The following PWWP3A variants were observed in gnomAD, a reference collection of about 807,000 sequenced individuals.
PWWP3A encodes the protein PWWP domain containing 3A, DNA repair factor.
Under a neutral mutation model 79.0 loss-of-function variants are expected in PWWP3A, and 53 were observed. The ratio of observed to expected loss-of-function variants is 0.67; its 90% CI spans 0.54 to 0.84. PWWP3A has a LOEUF of 0.84. Among genes scored for constraint, PWWP3A ranks in the 40% least tolerant of loss-of-function variants. PWWP3A has a pLI of 0.00. For synonymous variants in PWWP3A, 443 were observed against 394.4 expected (o/e 1.12, Z -1.46); for missense variants, 973 against 948.0 (o/e 1.03, Z -0.35).
At position 1,368,606 on chromosome 19, in the gene PWWP3A, G is replaced by A. The variant is rs1408187378; in HGVS notation, c.1423-659G>A. 1.3e-5 allele frequency among the ~76,000 whole-genome samples: 2 copies of A among 152,214 alleles called. No homozygotes were observed. Among genetic ancestry groups the A allele is most frequent in the Non-Finnish European group, 2.9e-5 (2 of 68,040 alleles). Reference sequence around the variant, plus strand: ...AGTCTTCCCTGGGTCATTGTGTGATGGTCGTGGCTTTATGGCATCTTTGGG... The same window carrying A: ...AGTCTTCCCTGGGTCATTGTGTGATAGTCGTGGCTTTATGGCATCTTTGGG... On this transcript the variant is annotated intron_variant, in intron 9 of 13. Coordinates refer to ENST00000591337, the MANE Select transcript of PWWP3A (RefSeq NM_001369789.1). This position sits in a 1 kb window ranked among gnomAD's most constrained non-coding sequence, Gnocchi z 4.7.
In PWWP3A at chr19:1,369,315, C is replaced by G; in HGVS notation, c.1473C>G (p.Leu491=). Residue 491 remains leucine, a synonymous_variant, in exon 10 of 14, where the codon CTC becomes CTG. Transcript: ENST00000591337. This position sits in a 1 kb window ranked among gnomAD's most constrained non-coding sequence, Gnocchi z 4.0. ...FNQDIGWCVS[L]ITDYRVRLGC... is the part of the protein sequence containing the mutation. ...AGGACATCGGCTGGTGTGTCTCCCT[C>G]ATCACCGACTACAGGGTCCGGTTAG... The G allele has an allele frequency of 6.2e-7, 1 of 1,613,964 alleles. No homozygotes were observed. The highest frequency in any genetic ancestry group is 8.5e-7 in the Non-Finnish European group (1 of 1,180,020).
rs540371267 is a variant in PWWP3A, at chr19:1,378,309, G to A, written c.*1733G>A. On this transcript the variant is annotated 3_prime_UTR_variant, in exon 14 of 14. Coordinates refer to ENST00000591337, the MANE Select transcript of PWWP3A (RefSeq NM_001369789.1). ...CCTGAGAGTAGGACACATTGCCATG[G>A]TTTTGTGGGAATCACGCGCCCCTGA... 4.6e-5 allele frequency: 7 copies of A among 152,464 alleles called. No homozygotes were observed. The highest frequency in any genetic ancestry group is 1.7e-4 in the African/African-American group (7 of 41,598). The allele number at this position is 152,464 out of a possible 1,614,324, so 9.4% of individuals were successfully genotyped here.
Position 1,360,296 on chromosome 19 carries a change from G to A in PWWP3A, c.375G>A (p.Glu125=). The A allele has an allele frequency of 6.2e-7, 1 of 1,613,946 alleles. No homozygotes were observed. Among genetic ancestry groups the A allele is most frequent in the Non-Finnish European group, 8.5e-7 (1 of 1,179,876 alleles). ...GGTCTCTGCGAGGGAAGCCCATGGA[G>A]CATGTCTCCTCGCCCTGTGATTCGA... The part of the protein sequence containing the change: ...ADRSLRGKPM[E]HVSSPCDSNS... The change falls in exon 5 of 14, where the codon GAG becomes GAA. Residue 125 remains glutamate (E), a synonymous_variant. Coordinates refer to ENST00000591337, the MANE Select transcript of PWWP3A (RefSeq NM_001369789.1). This position sits in a 1 kb window ranked among gnomAD's most constrained non-coding sequence, Gnocchi z 4.4.
chr19:1,360,530 G>C lies in PWWP3A; in HGVS notation c.609G>C (p.Gly203=), dbSNP rs1481899631. 1 of 1,614,218 alleles carries C rather than the reference G, an allele frequency of 6.2e-7. No homozygotes were observed. The change falls in exon 5 of 14, where the codon GGG becomes GGC. Residue 203 remains glycine (G), a synonymous_variant. Transcript: ENST00000591337. The surrounding 1 kb of genome is among the most constrained non-coding windows in gnomAD (Gnocchi z 4.4). ...PAGGGAQDES[G]SRIHHKNWTL... ...GAGGTGGTGCCCAAGATGAGAGTGG[G>C]TCCAGAATCCACCACAAAAATTGGA...
rs1026716484 is a variant in PWWP3A at position 1,369,081 on chromosome 19, A to G, written c.1423-184A>G. On this transcript the variant is annotated intron_variant, in intron 9 of 13. Coordinates refer to ENST00000591337, the MANE Select transcript of PWWP3A (RefSeq NM_001369789.1). This position sits in a 1 kb window ranked among gnomAD's most constrained non-coding sequence, Gnocchi z 4.0. ...CAGACCTGTGCCTGGTGCGTTTCCC[A>G]TTTACCAGAGGGTCCCTGTGCGAGG... is the stretch of plus-strand genomic sequence containing the variant. 1.0e-5 allele frequency: 6 copies of G among 592,382 alleles called. No homozygotes were observed. Among genetic ancestry groups the G allele is most frequent in the Admixed American group, 8.3e-5 (3 of 35,996 alleles). The allele number at this position is 592,382 out of a possible 1,614,324, so 36.7% of individuals were successfully genotyped here.
intron 6 of PWWP3A, chr19:1,364,062 C>G: frequency 2.2e-6 from 1 of 463,832 alleles, no homozygotes. Flanking sequence ...TGTAGTTTCC[C>G]AGAATCCTCT....
rs746226548 is a variant in PWWP3A at position 1,358,610 on chromosome 19, AAGG to A, written c.214+149_214+151del. 10 of 1,563,524 alleles carry A rather than the reference AAGG, an allele frequency of 6.4e-6. No individual in the cohort carries two copies. The African/African-American group carries it at 1.2e-4, about 19-fold the overall frequency. On this transcript the variant is annotated intron_variant, in intron 4 of 13. Coordinates refer to ENST00000591337, the MANE Select transcript of PWWP3A (RefSeq NM_001369789.1). ...AAGGGAACGCGAATCCCCTGAGCTGAAGGAGAAGGAAAAATGGATCCGCTTTCT... is the reference window on the plus strand; with the variant it reads ...AAGGGAACGCGAATCCCCTGAGCTGAAGAAGGAAAAATGGATCCGCTTTCT...
chr19:1,356,656 TA>T (rs11396582), intron 2 of PWWP3A, among the ~76,000 whole-genome samples: 3,664 of 141,456 alleles, frequency 0.026, 135 homozygotes, highest in African/African-American at 0.085. Context: ...TTTTTCACAC[TA>T]AAAAAAAAAA....
chr19:1,368,674 A>G lies in PWWP3A; in HGVS notation c.1423-591A>G, dbSNP rs947268070. On this transcript the variant is annotated intron_variant, in intron 9 of 13. Transcript: ENST00000591337. This position sits in a 1 kb window ranked among gnomAD's most constrained non-coding sequence, Gnocchi z 4.7. ...TGGGGACCCACCCTGCTGCCAGCCC[A>G]GGTGCTGTTAGAGCAGCCCAGGTGC... is the stretch of plus-strand genomic sequence containing the variant. 6.6e-6 allele frequency among the ~76,000 whole-genome samples: 1 copy of G among 152,150 alleles called. No individual in the cohort carries two copies. Among genetic ancestry groups the G allele is most frequent in the African/African-American group, 2.4e-5 (1 of 41,448 alleles).
Position 1,370,864 on chromosome 19 carries a change from C to T in PWWP3A, c.1772C>T (p.Ala591Val). 6.4e-7 allele frequency: 1 copy of T among 1,560,908 alleles called. No individual in the cohort carries two copies. Among genetic ancestry groups the T allele is most frequent in the Non-Finnish European group, 8.7e-7 (1 of 1,152,300 alleles). ...AAGGGCGCGGAGAGCCACCTGCGGG[C>T]CATCCTAAAGAGCAGGAAGCCATCT... is the stretch of plus-strand genomic sequence containing the variant. ...KAKGAESHLR[A>V]ILKSRKPSRW... The change falls in exon 12 of 14, where the codon GCC becomes GTC. Residue 591 changes from alanine to valine, a missense_variant. Transcript: ENST00000591337.
At chr19:1,370,547 C>A in intron 11 of PWWP3A, 95 bp from the exon 12 acceptor site, 1 of 1,167,618 alleles carries the variant, frequency 8.6e-7, no homozygotes, top group Non-Finnish European at 1.2e-6. Flanking sequence ...CTGCCCCCAT[C>A]CCTGCCATGT....
At position 1,364,515 on chromosome 19, in the gene PWWP3A, G is replaced by A. The variant is rs35452513; in HGVS notation, c.1220G>A (p.Arg407His). ...PPRVLLYHEP[R>H]SFEVGMLVWH... Reference sequence around the variant, plus strand: ...CTTTTTTCTTTAATTCTAGAACCACGTTCGTTTGAAGTAGGAATGCTAGTC... The same window carrying A: ...CTTTTTTCTTTAATTCTAGAACCACATTCGTTTGAAGTAGGAATGCTAGTC... Residue 407 changes from arginine (R) to histidine (H), a missense_variant, in exon 7 of 14, where the codon CGT becomes CAT. Transcript: ENST00000591337. The A allele has an allele frequency of 5.7e-5, 91 of 1,596,870 alleles. No homozygotes were observed. The highest frequency in any genetic ancestry group is 1.4e-4 in the Admixed American group (8 of 55,970).
rs1200546600 is a variant in PWWP3A at position 1,377,463 on chromosome 19, A to G, written c.*887A>G. Reference sequence around the variant, plus strand: ...CAAACCGCATTGTCCTGTGCCCGCCATGGCAGAAGCGCAGCCTTTGTATGG... The same window carrying G: ...CAAACCGCATTGTCCTGTGCCCGCCGTGGCAGAAGCGCAGCCTTTGTATGG... On this transcript the variant is annotated 3_prime_UTR_variant, in exon 14 of 14. Coordinates refer to ENST00000591337, the MANE Select transcript of PWWP3A (RefSeq NM_001369789.1). 6.6e-6 allele frequency: 1 copy of G among 152,314 alleles called. No homozygotes were observed. Among genetic ancestry groups the G allele is most frequent in the Non-Finnish European group, 1.5e-5 (1 of 68,112 alleles). 9.4% of individuals were successfully genotyped at this position (152,314 alleles called of 1,614,324 possible).
At chr19:1,376,295 G>GGTT (rs2082393364) in intron 13 of PWWP3A, among the ~76,000 whole-genome samples, 2 of 67,048 alleles carry the variant, frequency 3.0e-5, no homozygotes, top group Non-Finnish European at 5.9e-5. Context: ...CCGGCTGTTT[G>GGTT]TTTTTTTTTT....
intron 6 of PWWP3A, chr19:1,364,064 G>A: frequency 2.1e-6 from 1 of 467,688 alleles, no homozygotes; most frequent in Non-Finnish European, 4.3e-6. Context: ...TAGTTTCCCA[G>A]AATCCTCTTT....
intron 7 of PWWP3A, among the ~76,000 whole-genome samples, chr19:1,365,767 A>G (rs2082114868): frequency 6.6e-6 from 1 of 152,230 alleles, no homozygotes; most frequent in Non-Finnish European, 1.5e-5. Flanking sequence ...CCTGGGGCAT[A>G]AGAGCAGGCA....
At chr19:1,359,938 C>T (rs774200010) in intron 4 of PWWP3A, 198 bp from the exon 5 acceptor site, 16 of 508,594 alleles carry the variant, frequency 3.1e-5, no homozygotes, top group Non-Finnish European at 4.8e-5. Flanking sequence ...GCCTCGAATC[C>T]CGGAATGAAT....
Position 1,376,743 on chromosome 19 carries a change from C to T in PWWP3A, c.*167C>T, listed in dbSNP as rs1240450426. On this transcript the variant is annotated 3_prime_UTR_variant, in exon 14 of 14. Coordinates refer to ENST00000591337, the MANE Select transcript of PWWP3A (RefSeq NM_001369789.1). ...TTCCATGCTTCTGGAGAATCCATTTCGTTAACACTGAAAGCCAGTTCTCTT... is the reference window on the plus strand; with the variant it reads ...TTCCATGCTTCTGGAGAATCCATTTTGTTAACACTGAAAGCCAGTTCTCTT... 3 of 523,182 alleles carry T rather than the reference C, an allele frequency of 5.7e-6. No individual in the cohort carries two copies. The highest frequency in any genetic ancestry group is 3.3e-5 in the East Asian group (1 of 30,624). 32.4% of individuals were successfully genotyped at this position (523,182 alleles called of 1,614,324 possible).
At chr19:1,365,605 G>A (rs988808237) in intron 7 of PWWP3A, among the ~76,000 whole-genome samples, 18 of 152,224 alleles carry the variant, frequency 1.2e-4, no homozygotes, top group Admixed American at 1.1e-3. Context: ...TCCTTGTGTC[G>A]CCTACTGGCC....
Sources: allele counts gnomAD v4.1 joint callset (sites outside exome capture counted in the v4.1 genomes callset), GRCh38; gene constraint gnomAD v4.1.1; non-coding constraint Gnocchi (gnomAD v3.1); transcripts MANE v1.5; gene names NCBI Gene and HGNC (gene_info 2026-07-23, HGNC 2026-07-21).